The following IQGAP1 variants were observed in gnomAD, a reference collection of about 807,000 sequenced individuals.
IQGAP1 encodes ras GTPase-activating-like protein IQGAP1.
IQGAP1 carries 66 observed loss-of-function variants against 215.6 expected under a neutral mutation model. The observed-to-expected ratio is 0.31, with a 90% CI of 0.25 to 0.38. IQGAP1 has a LOEUF of 0.38. Among genes scored for constraint, IQGAP1 ranks in the 10% least tolerant of loss-of-function variants. The pLI, the probability that IQGAP1 is intolerant of heterozygous loss-of-function variation, is 1.00. For synonymous variants in IQGAP1, 772 were observed against 728.7 expected (o/e 1.06, Z -0.96); for missense variants, 1,712 against 1,997.1 (o/e 0.86, Z 2.72).
At chr15:90,406,042 A>G (rs1382078909) in intron 2 of IQGAP1, among the ~76,000 whole-genome samples, 1 of 152,212 alleles carries the variant, frequency 6.6e-6, no homozygotes, top group Non-Finnish European at 1.5e-5. Context: ...AAGGCATTGC[A>G]AAGGACGGGA....
chr15:90,458,231 G>T (rs777563139), intron 15 of IQGAP1, among the ~76,000 whole-genome samples: 7 of 152,194 alleles, frequency 4.6e-5, no homozygotes, highest in Non-Finnish European at 1.0e-4. Context: ...ATATTCCATT[G>T]TATGACTGTA....
chr15:90,393,495 AT>A (rs1321545587), intron 2 of IQGAP1: 1 of 151,400 alleles, frequency 6.6e-6, no homozygotes, highest in Non-Finnish European at 1.5e-5. Flanking sequence ...AGTTTGTTGA[AT>A]CCATGGATGC....
At chr15:90,441,444 C>T (rs944513110) in intron 7 of IQGAP1, 62 bp from the exon 8 acceptor site, 2 of 1,397,934 alleles carry the variant, frequency 1.4e-6, no homozygotes, top group Non-Finnish European at 2.0e-6. Context: ...TTGTGATATA[C>T]ATCCTGTAAT....
chr15:90,456,649 G>A (rs1191829589), intron 15 of IQGAP1, among the ~76,000 whole-genome samples: 1 of 151,506 alleles, frequency 6.6e-6, no homozygotes, highest in African/African-American at 2.4e-5. Context: ...GCCAAGGCAG[G>A]CAGATCCCTT....
rs181811823 is a variant in IQGAP1 at position 90,435,589 on chromosome 15, G to A, written c.467+1794G>A. On this transcript the variant is annotated intron_variant, in intron 5 of 37. Coordinates refer to ENST00000268182, the MANE Select transcript of IQGAP1 (RefSeq NM_003870.4). ...GAGATTTGTCCATGTTGATAATCTT[G>A]TGAAGGCCTTACCTGCAATGGATAT... 2.0e-5 allele frequency among the ~76,000 whole-genome samples: 3 copies of A among 152,334 alleles called. No individual in the cohort carries two copies. The East Asian group carries it at 5.8e-4, about 29-fold the overall frequency.
chr15:90,466,537 A>G (rs1292486090), intron 17 of IQGAP1, 101 bp downstream of exon 17: 1 of 1,125,030 alleles, frequency 8.9e-7, no homozygotes, highest in Non-Finnish European at 1.3e-6. Flanking sequence ...AAGACCTTTT[A>G]GCATAGATGT....
At chr15:90,465,849 C>A in intron 15 of IQGAP1, 152 bp from the exon 16 acceptor site, 1 of 634,232 alleles carries the variant, frequency 1.6e-6, no homozygotes, top group South Asian at 1.9e-5. Flanking sequence ...TTTTTTGATG[C>A]CTCCTTCTTC....
intron 14 of IQGAP1, among the ~76,000 whole-genome samples, chr15:90,455,207 G>C (rs557053764): frequency 3.9e-5 from 6 of 152,286 alleles, no homozygotes; most frequent in Middle Eastern, 3.4e-3. Flanking sequence ...TGGGTGTCCA[G>C]AGTTTTTATT....
At chr15:90,444,287 A>G (rs868516154) in intron 9 of IQGAP1, among the ~76,000 whole-genome samples, 35 of 91,044 alleles carry the variant, frequency 3.8e-4, no homozygotes, top group African/African-American at 2.0e-3. Flanking sequence ...GTGTATATAT[A>G]TATTTTTTTT....
chr15:90,412,587 G>A (rs1194529385), intron 2 of IQGAP1, among the ~76,000 whole-genome samples: 5 of 152,056 alleles, frequency 3.3e-5, no homozygotes, highest in African/African-American at 7.2e-5. Context: ...CTCTTTCTGC[G>A]TATGGTGAAG....
intron 2 of IQGAP1, among the ~76,000 whole-genome samples, chr15:90,415,578 G>A (rs1220409268): frequency 6.6e-6 from 1 of 152,060 alleles, no homozygotes; most frequent in Non-Finnish European, 1.5e-5. Flanking sequence ...GAACCGTGAG[G>A]TCTGGAGCTA....
chr15:90,407,333 C>T (rs1217747162), intron 2 of IQGAP1, among the ~76,000 whole-genome samples: 1 of 152,216 alleles, frequency 6.6e-6, no homozygotes, highest in Non-Finnish European at 1.5e-5. Context: ...ATCAGAATCT[C>T]AGAAGCTCAA....
intron 28 of IQGAP1, 70 bp downstream of exon 28, chr15:90,482,351 A>G (rs1370555503): frequency 7.0e-7 from 1 of 1,426,508 alleles, no homozygotes; most frequent in Non-Finnish European, 9.9e-7. Context: ...CTGACCATAG[A>G]TCATTACTAA....
rs376501750 is a variant in IQGAP1 at position 90,389,406 on chromosome 15, T to C, written c.55+1010T>C. Among the ~76,000 whole-genome samples the C allele has an allele frequency of 1.0e-4, 15 of 147,336 alleles. No individual in the cohort carries two copies. In the East Asian group the frequency reaches 2.2e-3, roughly 22 times the overall value. On this transcript the variant is annotated intron_variant, in intron 1 of 37. Coordinates refer to ENST00000268182, the MANE Select transcript of IQGAP1 (RefSeq NM_003870.4). ...GGTCGCCCAGCCTGGAGTTCAGTGG[T>C]GCAATCTCAGCTCACTGCAAACTCC...
At chr15:90,499,164 C>T (rs767563079) in intron 37 of IQGAP1, among the ~76,000 whole-genome samples, 18 of 152,186 alleles carry the variant, frequency 1.2e-4, no homozygotes, top group South Asian at 2.1e-4. Flanking sequence ...CATCACCACT[C>T]TTATAAAGTT....
intron 2 of IQGAP1, among the ~76,000 whole-genome samples, chr15:90,405,341 A>G (rs1964862547): frequency 6.6e-6 from 1 of 152,232 alleles, no homozygotes. Context: ...CAAGCAAGTT[A>G]TATTGTAATG....
At chr15:90,464,573 A>C (rs948434380) in intron 15 of IQGAP1, among the ~76,000 whole-genome samples, 1 of 152,136 alleles carries the variant, frequency 6.6e-6, no homozygotes, top group Admixed American at 6.5e-5. Context: ...GATAACGGCC[A>C]GGCGCAGTGG....
At chr15:90,494,948 G>A in intron 36 of IQGAP1, 113 bp downstream of exon 36, 1 of 692,602 alleles carries the variant, frequency 1.4e-6, no homozygotes, top group Non-Finnish European at 2.4e-6. Flanking sequence ...TATTTTTTAT[G>A]TATTTATATA....
intron 6 of IQGAP1, 81 bp from the exon 7 acceptor site, chr15:90,440,421 A>G (rs1965432357): frequency 1.4e-5 from 13 of 933,246 alleles, no homozygotes; most frequent in Non-Finnish European, 2.0e-5. Flanking sequence ...ATCCCATTGC[A>G]TAGTTGAGGA....
Sources: allele counts gnomAD v4.1 joint callset (sites outside exome capture counted in the v4.1 genomes callset), GRCh38; gene constraint gnomAD v4.1.1; transcripts MANE v1.5; gene names NCBI Gene and HGNC (gene_info 2026-07-23, HGNC 2026-07-21).